Variants in DNAH5 observed in about 807,000 individuals in gnomAD.
DNAH5 encodes axonemal beta dynein heavy chain 5.
DNAH5 carries 372 observed loss-of-function variants against 518.2 expected under a neutral mutation model. That is an observed-to-expected ratio of 0.72 (90% CI 0.66 to 0.78). The LOEUF (loss-of-function observed/expected upper bound fraction) is 0.78, where lower values mean the gene tolerates loss of function less well. DNAH5 is among the 30% of genes least tolerant of loss of function. DNAH5 has a pLI of 0.00. For missense variants in DNAH5, 5,523 were observed against 5,687.0 expected, an observed-to-expected ratio of 0.97 and a Z score of 0.93; for synonymous variants, 2,039 against 2,025.9, an observed-to-expected ratio of 1.01 and a Z score of -0.17.
chr5:13,907,816 G>A (rs1199445004), intron 12 of DNAH5, among the ~76,000 whole-genome samples: 1 of 152,128 alleles, frequency 6.6e-6, no homozygotes, highest in African/African-American at 2.4e-5. Context: ...CATGCTTCAA[G>A]ACAAAGTGAA....
intron 75 of DNAH5, among the ~76,000 whole-genome samples, chr5:13,710,514 C>A (rs944795607): frequency 2.0e-5 from 3 of 151,876 alleles, no homozygotes; most frequent in Non-Finnish European, 2.9e-5. Context: ...GAAATTGAAA[C>A]AAAACAAAGC....
intron 69 of DNAH5, among the ~76,000 whole-genome samples, chr5:13,729,087 T>C (rs1390379166): frequency 1.3e-5 from 2 of 152,214 alleles, no homozygotes; most frequent in Non-Finnish European, 2.9e-5. Context: ...TGTCTTTTCA[T>C]TTAACCTCTA....
At chr5:13,864,257 T>C in intron 28 of DNAH5, 140 bp downstream of exon 28, 1 of 1,105,364 alleles carries the variant, frequency 9.0e-7, no homozygotes, top group South Asian at 1.3e-5. Flanking sequence ...AAGCATTTGT[T>C]GAAGGAACTA....
Position 13,735,889 on chromosome 5 carries a change from C to T in DNAH5, c.11499G>A (p.Met3833Ile), listed in dbSNP as rs765905921. The change falls in exon 67 of 79, where the codon ATG (methionine) becomes ATA (isoleucine). Residue 3833 changes from methionine to isoleucine, a missense_variant. By Grantham distance (10) the Met-to-Ile change is conservative. This residue lies in a region of DNAH5 where 5,121 missense variants were observed against 5,223.3 expected (regional missense o/e 0.98). Transcript: ENST00000265104. ...TCTGATACATCTCATTAACCAAGCG[C>T]ATCTCAGTAATGAGGAAGTAGAGGA... ...GSILYFLITE[M>I]RLVNEMYQTS... 8 of 1,613,988 alleles carry T rather than the reference C, an allele frequency of 5.0e-6. No homozygotes were observed. Among genetic ancestry groups the T allele is most frequent in the Non-Finnish European group, 6.8e-6 (8 of 1,180,008 alleles).
intron 1 of DNAH5, among the ~76,000 whole-genome samples, chr5:13,987,356 G>T (rs1189565372): frequency 6.6e-6 from 1 of 151,916 alleles, no homozygotes; most frequent in East Asian, 1.9e-4. Context: ...CTAGTTTTCT[G>T]ATAACTGAAA....
At chr5:13,981,902 T>C (rs1356209487) in intron 1 of DNAH5, among the ~76,000 whole-genome samples, 3 of 152,196 alleles carry the variant, frequency 2.0e-5, no homozygotes, top group Non-Finnish European at 4.4e-5. Flanking sequence ...CTTGAGATGC[T>C]AGAAGTGCTG....
At chr5:13,829,455 G>T in intron 38 of DNAH5, 55 bp downstream of exon 38, 1 of 1,569,434 alleles carries the variant, frequency 6.4e-7, no homozygotes, top group Admixed American at 1.7e-5. Flanking sequence ...AGAACATTCT[G>T]CTGAATAGAA....
At chr5:13,758,060 T>C (rs963589998) in intron 61 of DNAH5, among the ~76,000 whole-genome samples, 2 of 150,610 alleles carry the variant, frequency 1.3e-5, no homozygotes, top group South Asian at 2.1e-4. Context: ...TTATATACTC[T>C]AGAGAGACCA....
chr5:13,901,850 C>T (rs1448662354), intron 13 of DNAH5, among the ~76,000 whole-genome samples: 5 of 152,034 alleles, frequency 3.3e-5, no homozygotes, highest in African/African-American at 1.2e-4. Flanking sequence ...TAAGAGTATT[C>T]TCTATTTGTA....
intron 29 of DNAH5, among the ~76,000 whole-genome samples, chr5:13,859,877 A>C (rs1768153022): frequency 6.6e-6 from 1 of 152,156 alleles, no homozygotes. Context: ...GATTCCACCA[A>C]GCTTCCAGGG....
In DNAH5 at chr5:13,940,036, G is replaced by C. The variant is rs115058780; in HGVS notation, c.57+4346C>G. On this transcript the variant is annotated intron_variant, in intron 1 of 78. Transcript: ENST00000265104. ...TTTGCTGGAGTTCCCAAGGCCTCTA[G>C]CTCTCCCTATTTACTCACTCCCTTA... 7.0e-3 allele frequency among the ~76,000 whole-genome samples: 1,063 copies of C among 152,190 alleles called. 5 individuals carry two copies. Among genetic ancestry groups the C allele is most frequent in the African/African-American group, 0.013 (557 of 41,522 alleles).
In DNAH5 at chr5:13,906,511, C is replaced by T. The variant is rs577242337; in HGVS notation, c.1645-4373G>A. Among the ~76,000 whole-genome samples, 60 of 152,080 alleles carry T rather than the reference C, an allele frequency of 3.9e-4. 2 individuals carry two copies. The South Asian group carries it at 0.012, about 31-fold the overall frequency. ...GTGTGATATAGTGACATCAAAAGAC[C>T]CCAAATCCAGACAGAAAACACTACT... is the stretch of plus-strand genomic sequence containing the variant. On this transcript the variant is annotated intron_variant, in intron 12 of 78. Coordinates refer to ENST00000265104, the MANE Select transcript of DNAH5 (RefSeq NM_001369.3).
chr5:13,910,957 C>T (rs1030215528), intron 12 of DNAH5, among the ~76,000 whole-genome samples: 1 of 152,336 alleles, frequency 6.6e-6, no homozygotes, highest in South Asian at 2.1e-4. Context: ...TGAGTCGGTC[C>T]TGGCGCCACC....
chr5:13,909,089 T>C (rs1201741468), intron 12 of DNAH5, among the ~76,000 whole-genome samples: 3 of 152,156 alleles, frequency 2.0e-5, no homozygotes, highest in Non-Finnish European at 4.4e-5. Flanking sequence ...ATTTCTGACA[T>C]GGAAGACAAG....
intron 47 of DNAH5, among the ~76,000 whole-genome samples, chr5:13,795,559 T>C (rs1757696549): frequency 6.6e-6 from 1 of 152,130 alleles, no homozygotes; most frequent in African/African-American, 2.4e-5. Flanking sequence ...CAATAATTAA[T>C]AGCCTACCAA....
At chr5:13,822,418 T>C (rs1025375273) in intron 40 of DNAH5, among the ~76,000 whole-genome samples, 2 of 151,934 alleles carry the variant, frequency 1.3e-5, no homozygotes, top group South Asian at 4.2e-4. Flanking sequence ...GCCCAACTAA[T>C]TTTTTGGATT....
chr5:13,904,691 C>A (rs1775074106), intron 12 of DNAH5, among the ~76,000 whole-genome samples: 1 of 151,940 alleles, frequency 6.6e-6, no homozygotes, highest in South Asian at 2.1e-4. Context: ...TTGGCAGATC[C>A]CTTGACCCCA....
chr5:13,788,749 C>A lies in DNAH5; in HGVS notation c.8614G>T (p.Val2872Leu). Reference protein sequence around the residue: ...LVDCGIDTYFVDFLRDAPEAA... With the variant: ...LVDCGIDTYFLDFLRDAPEAA... ...TCAGGTGCATCTCTCAAGAAATCCA[C>A]AAAATATGTGTCAATTCCACAATCC... Residue 2872 changes from valine (V) to leucine (L), a missense_variant, in exon 51 of 79, where the codon GTG (valine) becomes TTG (leucine). By Grantham distance (32) the Val-to-Leu change is conservative. This residue lies in a region of DNAH5 where 5,121 missense variants were observed against 5,223.3 expected (regional missense o/e 0.98). Transcript: ENST00000265104. 2.5e-6 allele frequency: 4 copies of A among 1,614,146 alleles called. No homozygotes were observed. Among genetic ancestry groups the A allele is most frequent in the Non-Finnish European group, 3.4e-6 (4 of 1,180,018 alleles).
intron 69 of DNAH5, 84 bp from the exon 70 acceptor site, chr5:13,727,740 C>T (rs1203493622): frequency 1.4e-6 from 2 of 1,430,070 alleles, no homozygotes; most frequent in Non-Finnish European, 2.0e-6. Flanking sequence ...CATCAAACCT[C>T]TGACCTCTCC....
Sources: allele counts gnomAD v4.1 joint callset (sites outside exome capture counted in the v4.1 genomes callset), GRCh38; gene constraint gnomAD v4.1.1; regional missense constraint gnomAD v4.1.1; transcripts MANE v1.5; gene names NCBI Gene and HGNC (gene_info 2026-07-23, HGNC 2026-07-21).